The following ROS1 variants were observed in gnomAD, a reference collection of about 807,000 sequenced individuals.
The protein encoded by ROS1 is ROS proto-oncogene 1, receptor tyrosine kinase.
In ROS1, 263 loss-of-function variants were observed where a neutral mutation model predicts 273.5. The observed-to-expected ratio is 0.96, with a 90% CI of 0.87 to 1.06. The LOEUF (loss-of-function observed/expected upper bound fraction) is 1.06. Among genes scored for constraint, ROS1 ranks in the 50% least tolerant of loss-of-function variants. The probability of loss-of-function intolerance (pLI) is 0.00; values close to 1 mark genes in which losing one functional copy is unlikely to be tolerated. For synonymous variants in ROS1, 1,008 were observed against 954.1 expected, an observed-to-expected ratio of 1.06 and a Z score of -1.04; for missense variants, 2,833 against 2,751.1, an observed-to-expected ratio of 1.03 and a Z score of -0.67.
At chr6:117,362,272 A>G (rs1156991900) in intron 22 of ROS1, among the ~76,000 whole-genome samples, 1 of 151,976 alleles carries the variant, frequency 6.6e-6, no homozygotes, top group Admixed American at 6.6e-5. Flanking sequence ...AATTATTGAC[A>G]GGGTGGCAGA....
At chr6:117,381,609 ATT>A (rs1772153386) in intron 17 of ROS1, among the ~76,000 whole-genome samples, 1 of 151,914 alleles carries the variant, frequency 6.6e-6, no homozygotes, top group Non-Finnish European at 1.5e-5. Flanking sequence ...TCTATGGTGT[ATT>A]TATACCACAT....
chr6:117,366,040 T>C (rs1324280491), intron 19 of ROS1, 36 bp downstream of exon 19: 11 of 1,470,650 alleles, frequency 7.5e-6, no homozygotes, highest in Non-Finnish European at 9.5e-6. Context: ...ACTGAAGGTA[T>C]AGTGGAGTAG....
intron 18 of ROS1, among the ~76,000 whole-genome samples, chr6:117,370,052 G>C (rs1780643129): frequency 6.6e-6 from 1 of 151,922 alleles, no homozygotes; most frequent in African/African-American, 2.4e-5. Context: ...AATGCATATG[G>C]ATGTATGTGT....
rs2128711045 is a variant in ROS1, at chr6:117,393,301, C to T, written c.1212G>A (p.Glu404=). Residue 404 remains glutamate (E), a synonymous_variant, in exon 12 of 44, where the codon GAG becomes GAA. Transcript: ENST00000368507. The part of the protein sequence containing the change: ...MDELVCVCDL[E]NCSNIEEITP... ...TAATTTCCTCGATGTTTGAGCAGTT[C>T]TCTAAATCACAGACACATACCTAAA... 2 of 1,610,182 alleles carry T rather than the reference C, an allele frequency of 1.2e-6. No homozygotes were observed. Among genetic ancestry groups the T allele is most frequent in the Non-Finnish European group, 1.7e-6 (2 of 1,176,934 alleles).
chr6:117,333,021 C>T (rs921918263), intron 32 of ROS1, among the ~76,000 whole-genome samples: 13 of 150,506 alleles, frequency 8.6e-5, no homozygotes, highest in African/African-American at 3.2e-4. Context: ...GACAAAGACA[C>T]AAAAAGCCCT....
chr6:117,378,898 A>G (rs1268205258), intron 18 of ROS1, among the ~76,000 whole-genome samples, 161 bp downstream of exon 18: 1 of 152,186 alleles, frequency 6.6e-6, no homozygotes, highest in Non-Finnish European at 1.5e-5. Flanking sequence ...TTCTACTGTA[A>G]CTAGTTATTT....
At chr6:117,397,241 T>C (rs2128717253) in intron 7 of ROS1, 125 bp from the exon 8 acceptor site, 1 of 655,510 alleles carries the variant, frequency 1.5e-6, no homozygotes, top group Non-Finnish European at 2.6e-6. Flanking sequence ...ATTTTATTAA[T>C]ACTCAAAATA....
intron 42 of ROS1, among the ~76,000 whole-genome samples, chr6:117,307,505 C>T (rs3798372): frequency 0.22 from 33,971 of 151,796 alleles, 3,922 homozygotes; most frequent in South Asian, 0.28. Flanking sequence ...TTCTTAAACC[C>T]TACATGAAAG....
At position 117,425,620 on chromosome 6, in the gene ROS1, T is replaced by G; in HGVS notation, c.37A>C (p.Asn13His). The stretch of plus-strand genomic sequence containing the variant: ...CATAGGCAGCCAAGAGTTGCAAAAT[T>G]GACAAGCTTCGGAATAAGACAGTAA... ...NIYCLIPKLVNFATLGCLWIS... is the reference protein window; with the variant it reads ...NIYCLIPKLVHFATLGCLWIS... The change falls in exon 1 of 44, where the codon AAT becomes CAT. Residue 13 changes from asparagine (N) to histidine (H), a missense_variant. Asn to His is a moderately conservative substitution (Grantham distance 68). Coordinates refer to ENST00000368507, the MANE Select transcript of ROS1 (RefSeq NM_001378902.1). 1.9e-6 allele frequency: 3 copies of G among 1,612,242 alleles called. No homozygotes were observed. The African/African-American group carries it at 4.0e-5, about 22-fold the overall frequency.
chr6:117,333,998 A>C (rs547818444), intron 32 of ROS1, among the ~76,000 whole-genome samples: 1 of 152,144 alleles, frequency 6.6e-6, no homozygotes, highest in African/African-American at 2.4e-5. Context: ...TGGTCAGGGC[A>C]ATCAGGCAAG....
Position 117,385,813 on chromosome 6 carries a change from T to A in ROS1, c.2159A>T (p.Asp720Val), listed in dbSNP as rs761597558. Reference sequence around the variant, plus strand: ...CCCATTCAGCAGCCACACAAAAACGTCGCCTTTCGTGTCACTGTAGTAGAG... The same window carrying A: ...CCCATTCAGCAGCCACACAAAAACGACGCCTTTCGTGTCACTGTAGTAGAG... ...NSLYYSDTKG[D>V]VFVWLLNGTD... Residue 720 changes from aspartate to valine, a missense_variant, in exon 16 of 44, where the codon GAC becomes GTC. Asp to Val is a radical substitution (Grantham distance 152). Coordinates refer to ENST00000368507, the MANE Select transcript of ROS1 (RefSeq NM_001378902.1). 2 of 1,614,188 alleles carry A rather than the reference T, an allele frequency of 1.2e-6. No homozygotes were observed. The highest frequency in any genetic ancestry group is 1.7e-6 in the Non-Finnish European group (2 of 1,180,030).
At chr6:117,352,133 A>T (rs2213830) in intron 27 of ROS1, among the ~76,000 whole-genome samples, 137,988 of 152,212 alleles carry the variant, frequency 0.91, 62,627 homozygotes, top group East Asian at 1. Context: ...CAGGCTGGAG[A>T]GCAGTGGCGC....
intron 18 of ROS1, among the ~76,000 whole-genome samples, chr6:117,377,400 C>A (rs1781424403): frequency 6.6e-6 from 1 of 152,076 alleles, no homozygotes; most frequent in Admixed American, 6.5e-5. Context: ...CGTGAGCCAC[C>A]ACGCCCGGCC....
intron 34 of ROS1, among the ~76,000 whole-genome samples, chr6:117,325,093 T>A (rs1776540904): frequency 1.3e-5 from 2 of 152,028 alleles, no homozygotes; most frequent in South Asian, 4.2e-4. Context: ...TCAGAAAAAG[T>A]TTGCTGAGCT....
intron 7 of ROS1, 115 bp from the exon 8 acceptor site, chr6:117,397,231 AT>A: frequency 1.5e-6 from 1 of 686,854 alleles, no homozygotes; most frequent in Non-Finnish European, 2.5e-6. Context: ...AAACGAAATA[AT>A]TTTATTAATA....
intron 21 of ROS1, among the ~76,000 whole-genome samples, chr6:117,363,851 TCC>T (rs1202003731): frequency 6.6e-6 from 1 of 152,158 alleles, no homozygotes. Flanking sequence ...TTTTATGAAC[TCC>T]ATCAGAGAAA....
intron 18 of ROS1, among the ~76,000 whole-genome samples, chr6:117,377,184 C>CA (rs1781404185): frequency 6.6e-6 from 1 of 152,158 alleles, no homozygotes; most frequent in Non-Finnish European, 1.5e-5. Flanking sequence ...GATCTCAGCT[C>CA]ACTGTAACCT....
chr6:117,394,594 C>T (rs1773341277), intron 10 of ROS1, 22 bp downstream of exon 10: 2 of 1,537,600 alleles, frequency 1.3e-6, no homozygotes, highest in African/African-American at 1.4e-5. Flanking sequence ...ACTAAGGAAT[C>T]ATTTATCCTT....
At chr6:117,352,566 T>C (rs2082242461) in intron 27 of ROS1, among the ~76,000 whole-genome samples, 2 of 152,220 alleles carry the variant, frequency 1.3e-5, no homozygotes, top group Non-Finnish European at 1.5e-5. Context: ...TACTTAGTGA[T>C]TTGATACCTA....
Sources: gnomAD v4.1 joint callset for allele counts (sites outside exome capture counted in the v4.1 genomes callset) on GRCh38, gnomAD v4.1.1 for gene constraint, MANE v1.5 for transcripts, NCBI Gene and HGNC (gene_info 2026-07-23, HGNC 2026-07-21) for gene names.